The following RAD17 variants were observed in gnomAD, a reference collection of about 807,000 sequenced individuals.
RAD17 encodes the protein cell cycle checkpoint protein RAD17.
Under a neutral mutation model 81.5 loss-of-function variants are expected in RAD17, and 31 were observed. The observed-to-expected ratio is 0.38, with a 90% confidence interval of 0.29 to 0.51. RAD17 has a LOEUF of 0.51. Among genes scored for constraint, RAD17 ranks in the 20% least tolerant of loss-of-function variants. The pLI, the probability that RAD17 is intolerant of heterozygous loss-of-function variation, is 0.88. For synonymous variants in RAD17, 261 were observed against 266.2 expected (o/e 0.98, Z 0.19); for missense variants, 681 against 781.2 (o/e 0.87, Z 1.53).
intron 16 of RAD17, among the ~76,000 whole-genome samples, chr5:69,399,388 A>G (rs1765111283): frequency 6.6e-6 from 1 of 152,132 alleles, no homozygotes; most frequent in African/African-American, 2.4e-5. Context: ...ATTCACTTAT[A>G]TTGCCTGCTT....
chr5:69,374,599 T>C, intron 5 of RAD17, 29 bp from the exon 6 acceptor site: 1 of 1,562,514 alleles, frequency 6.4e-7, no homozygotes, highest in Middle Eastern at 1.7e-4. Context: ...TTAAGAAGTT[T>C]TGTTTTAAAT....
chr5:69,410,348 AATAG>A, intron 17 of RAD17, 141 bp from the exon 18 acceptor site: 1 of 601,688 alleles, frequency 1.7e-6, no homozygotes, highest in East Asian at 3.1e-5. Context: ...CAGTCATCCT[AATAG>A]ATGTGAATTG....
chr5:69,414,106 T>G lies in RAD17; in HGVS notation c.1827T>G (p.Asn609Lys). 1 of 1,614,240 alleles carries G rather than the reference T, an allele frequency of 6.2e-7. No individual in the cohort carries two copies. The highest frequency in any genetic ancestry group is 8.5e-7 in the Non-Finnish European group (1 of 1,180,044). The change falls in exon 19 of 19, where the codon AAT becomes AAG. Residue 609 changes from asparagine to lysine, a missense_variant. Transcript: ENST00000354868. ...ACAGCGGAGATGAAGCCCAGCTTAA[T>G]GGAGGACATTCTGCAGAGGAATCTC... ...DPDSGDEAQLNGGHSAEESLG... is the reference protein window; with the variant it reads ...DPDSGDEAQLKGGHSAEESLG...
intron 8 of RAD17, among the ~76,000 whole-genome samples, chr5:69,385,736 G>T (rs1049565311): frequency 3.3e-5 from 5 of 152,164 alleles, no homozygotes; most frequent in African/African-American, 1.2e-4. Context: ...TGGAATAGCT[G>T]TAGGATAAGG....
In RAD17 at chr5:69,393,380, T is replaced by C. The variant is rs1433424566; in HGVS notation, c.1302T>C (p.Pro434=). ...PEEVVEMSHM[P]GDLFNLYLHQ... is the part of the protein sequence containing the mutation. ...AGGTAGTAGAAATGTCACACATGCC[T>C]GGAGACTTATTTAATTTATATCTTC... is the stretch of plus-strand genomic sequence containing the variant. Residue 434 remains proline (P), a synonymous_variant, in exon 15 of 19, where the codon CCT becomes CCC. Coordinates refer to ENST00000354868, the MANE Select transcript of RAD17 (RefSeq NM_133338.3). 6.2e-7 allele frequency: 1 copy of C among 1,600,246 alleles called. No homozygotes were observed. Among genetic ancestry groups the C allele is most frequent in the East Asian group, 2.2e-5 (1 of 44,776 alleles).
chr5:69,372,078 T>C lies in RAD17; in HGVS notation c.-131T>C. ...ATGTAAGAAATGAAACTATAAAATG[T>C]ATAAATAATTTGCAAATCAGAATTG... On this transcript the variant is annotated 5_prime_UTR_variant, in exon 4 of 19. Transcript: ENST00000354868. 7.1e-7 allele frequency: 1 copy of C among 1,399,704 alleles called. No homozygotes were observed. The highest frequency in any genetic ancestry group is 9.6e-7 in the Non-Finnish European group (1 of 1,044,660). 86.7% of individuals were successfully genotyped at this position (1,399,704 alleles called of 1,614,324 possible).
rs751744017 is a variant in RAD17, at chr5:69,414,639, C to A, written c.*347C>A. On this transcript the variant is annotated 3_prime_UTR_variant, in exon 19 of 19. Transcript: ENST00000354868. ...TGGGGGGTTGTAAATATCAACTATT[C>A]AACAGTTTAGGATGCAATTACGAGT... 6.1e-6 allele frequency: 2 copies of A among 326,838 alleles called. No homozygotes were observed. The highest frequency in any genetic ancestry group is 1.1e-5 in the Non-Finnish European group (2 of 176,770). 20.2% of individuals were successfully genotyped at this position (326,838 alleles called of 1,614,324 possible).
intron 15 of RAD17, among the ~76,000 whole-genome samples, chr5:69,394,435 A>T (rs1341159434): frequency 6.6e-6 from 1 of 152,122 alleles, no homozygotes; most frequent in Non-Finnish European, 1.5e-5. Flanking sequence ...GATACAAGAG[A>T]AAGAACTGTA....
chr5:69,402,279 G>A (rs564203610), intron 17 of RAD17, among the ~76,000 whole-genome samples: 1 of 151,666 alleles, frequency 6.6e-6, no homozygotes, highest in Non-Finnish European at 1.5e-5. Flanking sequence ...TCGAACTCCT[G>A]GCCTTAAGTG....
intron 17 of RAD17, among the ~76,000 whole-genome samples, chr5:69,402,053 GT>G (rs1177253691): frequency 4.8e-4 from 56 of 116,294 alleles, no homozygotes; most frequent in African/African-American, 1.3e-3. Context: ...TAAACTTTTT[GT>G]TTTTTTTTTT....
intron 7 of RAD17, 104 bp downstream of exon 7, chr5:69,382,161 T>G: frequency 7.6e-7 from 1 of 1,319,304 alleles, no homozygotes. Context: ...ACTTCTTGCT[T>G]TCAGAGGGAT....
chr5:69,413,672 TTACA>T (rs1766174135), intron 18 of RAD17, among the ~76,000 whole-genome samples: 1 of 152,062 alleles, frequency 6.6e-6, no homozygotes, highest in Non-Finnish European at 1.5e-5. Flanking sequence ...GTAGCTGGGA[TTACA>T]GATGCGTGCC....
chr5:69,389,272 A>G (rs1476618843), intron 12 of RAD17, 127 bp downstream of exon 12: 2 of 471,052 alleles, frequency 4.2e-6, no homozygotes, highest in East Asian at 3.4e-5. Flanking sequence ...TATTACTGAG[A>G]CAGTGGCTTA....
At chr5:69,407,354 G>C (rs1765667942) in intron 17 of RAD17, among the ~76,000 whole-genome samples, 1 of 151,904 alleles carries the variant, frequency 6.6e-6, no homozygotes. Context: ...GTAAAAGTAA[G>C]ATGTTTTGGT....
chr5:69,403,920 G>A (rs982018508), intron 17 of RAD17, among the ~76,000 whole-genome samples: 2 of 147,400 alleles, frequency 1.4e-5, no homozygotes, highest in Non-Finnish European at 3.1e-5. Flanking sequence ...ACAGGGTGAG[G>A]ATGAGACCCT....
intron 8 of RAD17, 27 bp from the exon 9 acceptor site, chr5:69,386,016 C>T (rs1764191579): frequency 1.3e-6 from 2 of 1,499,550 alleles, no homozygotes; most frequent in East Asian, 2.5e-5. Context: ...TAAAACTATA[C>T]TATTATTTAT....
intron 8 of RAD17, among the ~76,000 whole-genome samples, chr5:69,385,605 CA>C (rs1269923102): frequency 6.6e-6 from 1 of 152,106 alleles, no homozygotes; most frequent in Admixed American, 6.5e-5. Context: ...ATTGACTAAA[CA>C]ATTGTGAGAT....
At chr5:69,408,783 T>C (rs1284859475) in intron 17 of RAD17, among the ~76,000 whole-genome samples, 8 of 152,128 alleles carry the variant, frequency 5.3e-5, no homozygotes, top group Admixed American at 2.6e-4. Flanking sequence ...AGTGCTGGGA[T>C]TACAGACGTG....
chr5:69,411,699 G>A (rs1257537961), intron 18 of RAD17, among the ~76,000 whole-genome samples: 5 of 152,174 alleles, frequency 3.3e-5, no homozygotes, highest in African/African-American at 4.8e-5. Context: ...GATGTGATCA[G>A]GGCTTACACA....
Sources: allele counts gnomAD v4.1 joint callset (sites outside exome capture counted in the v4.1 genomes callset), GRCh38; gene constraint gnomAD v4.1.1; transcripts MANE v1.5; gene names NCBI Gene and HGNC (gene_info 2026-07-23, HGNC 2026-07-21).